The following ARPP21 variants were observed in gnomAD, a reference collection of about 807,000 sequenced individuals.
The protein encoded by ARPP21 is cAMP-regulated phosphoprotein 21.
ARPP21 carries 69 observed loss-of-function variants against 113.2 expected under a neutral mutation model. The ratio of observed to expected loss-of-function variants is 0.61; its 90% CI spans 0.50 to 0.74. ARPP21 has a LOEUF of 0.74. Ranked by LOEUF, ARPP21 falls within the 30% of genes least tolerant of loss-of-function variation. ARPP21 has a pLI of 0.00. For synonymous variants in ARPP21, 368 were observed against 375.5 expected (o/e 0.98, Z 0.23); for missense variants, 1,070 against 1,037.4 (o/e 1.03, Z -0.43).
chr3:35,768,892 A>G (rs1264024148), intron 19 of ARPP21, among the ~76,000 whole-genome samples: 3 of 152,220 alleles, frequency 2.0e-5, no homozygotes, highest in South Asian at 2.1e-4. Context: ...ATAGTTTACT[A>G]AAGAATTAGA....
intron 1 of ARPP21, among the ~76,000 whole-genome samples, chr3:35,667,948 A>AAAGAAGAAGAAGAAGAAG (rs4025938): frequency 3.4e-5 from 2 of 58,076 alleles, no homozygotes; most frequent in Admixed American, 2.2e-4. Context: ...GAGAAGAAGA[A>AAAGAAGAAGAAGAAGAAG]AAGAAGAAGA....
At chr3:35,744,460 A>G (rs745460664) in intron 19 of ARPP21, 3 of 528,252 alleles carry the variant, frequency 5.7e-6, no homozygotes, top group Non-Finnish European at 1.2e-5. Flanking sequence ...CCTCCTGCCC[A>G]GAGCCCGGCA....
Position 35,793,837 on chromosome 3 carries a change from C to G in ARPP21, c.2423C>G (p.Pro808Arg), listed in dbSNP as rs922994328. The G allele has an allele frequency of 1.2e-6, 2 of 1,614,230 alleles. No homozygotes were observed. The highest frequency in any genetic ancestry group is 1.6e-4 in the Middle Eastern group (1 of 6,062). Residue 808 changes from proline (P) to arginine (R), a missense_variant, in exon 21 of 21, where the codon CCT becomes CGT. Coordinates refer to ENST00000684406, the MANE Select transcript of ARPP21 (RefSeq NM_001385562.1). ...TACTGTAATGTCACACCGCCCACCC[C>G]TCAGAACAACCTTAGGCTGATTGGC... ...PVYCNVTPPT[P>R]QNNLRLIGPH...
Position 35,737,354 on chromosome 3 carries a change from G to A in ARPP21, c.1636G>A (p.Val546Ile). 2.5e-6 allele frequency: 4 copies of A among 1,607,716 alleles called. No individual in the cohort carries two copies. The highest frequency in any genetic ancestry group is 2.2e-5 in the East Asian group (1 of 44,788). Residue 546 changes from valine (V) to isoleucine (I), a missense_variant, in exon 16 of 21, where the codon GTC becomes ATC. Physicochemically the swap from Val to Ile is conservative, Grantham distance 29. Coordinates refer to ENST00000684406, the MANE Select transcript of ARPP21 (RefSeq NM_001385562.1). ...GCAGCCACAGATGGCAGGCCCTCTG[G>A]TCACTCAGGTAGGGGGCTGGTTGGA... Reference protein sequence around the residue: ...PPQPQMAGPLVTQSVQGLQAS... With the variant: ...PPQPQMAGPLITQSVQGLQAS...
intron 3 of ARPP21, among the ~76,000 whole-genome samples, chr3:35,682,115 A>G (rs1172640597): frequency 1.3e-5 from 2 of 151,856 alleles, no homozygotes; most frequent in African/African-American, 4.8e-5. Flanking sequence ...CTGAATTTGC[A>G]CACAGCATCC....
intron 9 of ARPP21, among the ~76,000 whole-genome samples, chr3:35,694,789 A>G (rs1373458767): frequency 1.3e-5 from 2 of 150,996 alleles, no homozygotes; most frequent in African/African-American, 4.8e-5. Context: ...GATTAACTCA[A>G]TGGTATCATT....
chr3:35,790,927 A>G (rs1301994588), intron 19 of ARPP21, among the ~76,000 whole-genome samples: 1 of 152,204 alleles, frequency 6.6e-6, no homozygotes, highest in Non-Finnish European at 1.5e-5. Context: ...TAGATTACAC[A>G]CTGGTTCCAC....
chr3:35,732,991 A>G (rs537893767), intron 15 of ARPP21, among the ~76,000 whole-genome samples: 2 of 152,256 alleles, frequency 1.3e-5, no homozygotes, highest in East Asian at 3.9e-4. Context: ...TTATAATTTA[A>G]CTATCATCTT....
At chr3:35,641,255 CAAG>C (rs67051929) in intron 1 of ARPP21, among the ~76,000 whole-genome samples, 31,965 of 151,978 alleles carry the variant, frequency 0.21, 3,497 homozygotes, top group African/African-American at 0.26. Flanking sequence ...CCTCTCAAAA[CAAG>C]AAGGACATTC....
At chr3:35,667,633 G>A (rs1012600964) in intron 1 of ARPP21, among the ~76,000 whole-genome samples, 2 of 151,886 alleles carry the variant, frequency 1.3e-5, no homozygotes, top group Admixed American at 1.3e-4. Flanking sequence ...ATTTGAAAGA[G>A]GTGCTAGATT....
intron 1 of ARPP21, chr3:35,643,753 T>C (rs1437625698): frequency 6.6e-6 from 1 of 152,058 alleles, no homozygotes; most frequent in Non-Finnish European, 1.5e-5. Context: ...CAGATCTGCT[T>C]TGTGACAAGG....
intron 19 of ARPP21, 104 bp downstream of exon 19, chr3:35,744,069 C>T (rs2094854280): frequency 4.1e-6 from 5 of 1,206,598 alleles, no homozygotes; most frequent in Admixed American, 1.8e-5. Flanking sequence ...TAAACCAGCA[C>T]ATTTTCTCTA....
At chr3:35,759,615 G>A (rs2151263499) in intron 19 of ARPP21, among the ~76,000 whole-genome samples, 1 of 151,072 alleles carries the variant, frequency 6.6e-6, no homozygotes, top group East Asian at 2.0e-4. Context: ...AAAAGAATTA[G>A]TATCTGCCAT....
chr3:35,719,416 G>A (rs894098416), intron 13 of ARPP21, among the ~76,000 whole-genome samples: 2 of 152,166 alleles, frequency 1.3e-5, no homozygotes, highest in Non-Finnish European at 2.9e-5. Context: ...TGAGGTAGAG[G>A]TAGAGAAGTT....
intron 9 of ARPP21, among the ~76,000 whole-genome samples, chr3:35,700,812 C>T (rs2086061246): frequency 6.6e-6 from 1 of 151,716 alleles, no homozygotes; most frequent in East Asian, 1.9e-4. Flanking sequence ...GAAAATACCA[C>T]TGGAGCTTTT....
At chr3:35,792,185 T>A in intron 19 of ARPP21, 197 bp from the exon 20 acceptor site, 1 of 581,012 alleles carries the variant, frequency 1.7e-6, no homozygotes, top group Non-Finnish European at 3.1e-6. Context: ...AGTGAATTTT[T>A]AAAGCCATAA....
intron 5 of ARPP21, chr3:35,684,990 T>A: frequency 1.0e-6 from 1 of 984,304 alleles, no homozygotes; most frequent in Non-Finnish European, 1.2e-6. Context: ...GGGAGAATAA[T>A]GTGAATATCA....
chr3:35,724,807 G>A (rs2093402307), intron 14 of ARPP21, among the ~76,000 whole-genome samples: 1 of 151,992 alleles, frequency 6.6e-6, no homozygotes, highest in Non-Finnish European at 1.5e-5. Context: ...TTTTATTACT[G>A]CACTAACACA....
intron 1 of ARPP21, among the ~76,000 whole-genome samples, chr3:35,662,289 T>A (rs1708185719): frequency 6.6e-6 from 1 of 152,262 alleles, no homozygotes; most frequent in African/African-American, 2.4e-5. Context: ...AGGTGCCAGG[T>A]ATTAGAGAGG....
Sources: allele counts gnomAD v4.1 joint callset (sites outside exome capture counted in the v4.1 genomes callset), GRCh38; gene constraint gnomAD v4.1.1; transcripts MANE v1.5; gene names NCBI Gene and HGNC (gene_info 2026-07-23, HGNC 2026-07-21).